MACROD2: variants seen among roughly 807,000 people sequenced by gnomAD.
The protein encoded by MACROD2 is ADP-ribose glycohydrolase MACROD2.
MACROD2 carries 36 observed loss-of-function variants against 70.4 expected under a neutral mutation model. The observed-to-expected ratio is 0.51, with a 90% CI of 0.39 to 0.68. The LOEUF (loss-of-function observed/expected upper bound fraction) is 0.68, where lower values mean the gene tolerates loss of function less well. MACROD2 is among the 30% of genes least tolerant of loss of function. The pLI is 0.00. For missense variants in MACROD2, 496 were observed against 538.4 expected, an observed-to-expected ratio of 0.92 and a Z score of 0.78; for synonymous variants, 172 against 178.8, an observed-to-expected ratio of 0.96 and a Z score of 0.30.
chr20:15,215,841 A>T (rs961015866), intron 5 of MACROD2, among the ~76,000 whole-genome samples: 1 of 152,140 alleles, frequency 6.6e-6, no homozygotes, highest in African/African-American at 2.4e-5. Context: ...AGAATGCATG[A>T]TGGAAAGGAA....
chr20:15,566,390 C>T lies in MACROD2; in HGVS notation c.645+66543C>T, dbSNP rs912195887. Among the ~76,000 whole-genome samples the T allele has an allele frequency of 5.5e-4, 83 of 151,080 alleles. 1 individual carries two copies. The highest frequency in any genetic ancestry group is 1.8e-3 in the African/African-American group (74 of 41,234). ...ATGTGCGCCTGTAATCCCAGCTACT[C>T]GGGAGGCTGAGGCATGAGAATAGCT... On this transcript the variant is annotated intron_variant, in intron 8 of 17. Transcript: ENST00000684519.
At chr20:14,808,111 TCAAGAAGAGTAA>T (rs1477901126) in intron 5 of MACROD2, among the ~76,000 whole-genome samples, 1 of 151,670 alleles carries the variant, frequency 6.6e-6, no homozygotes, top group Admixed American at 6.6e-5. Context: ...AAGATACTCC[TCAAGAAGAGTAA>T]CATAATTGTC....
intron 6 of MACROD2, among the ~76,000 whole-genome samples, chr20:15,324,102 G>A (rs1394304690): frequency 6.6e-6 from 1 of 151,580 alleles, no homozygotes; most frequent in Admixed American, 6.6e-5. Context: ...TTTAATTTTA[G>A]TTTGGTTTAA....
At chr20:15,896,048 G>C (rs1280281614) in intron 10 of MACROD2, among the ~76,000 whole-genome samples, 2 of 152,114 alleles carry the variant, frequency 1.3e-5, no homozygotes, top group African/African-American at 4.8e-5. Context: ...TTCTTTCCTA[G>C]TGGATATGCA....
At chr20:15,393,314 A>G (rs941191186) in intron 6 of MACROD2, among the ~76,000 whole-genome samples, 5 of 152,226 alleles carry the variant, frequency 3.3e-5, no homozygotes, top group African/African-American at 9.6e-5. Context: ...AGTAAACTCT[A>G]CATCTCTAAA....
chr20:14,540,606 T>C (rs929040128), intron 4 of MACROD2, among the ~76,000 whole-genome samples: 1 of 152,220 alleles, frequency 6.6e-6, no homozygotes, highest in Non-Finnish European at 1.5e-5. Context: ...CAGTCTCTGA[T>C]TGAAATGTTA....
chr20:14,645,476 T>C (rs760354703), intron 4 of MACROD2, among the ~76,000 whole-genome samples: 1 of 152,056 alleles, frequency 6.6e-6, no homozygotes, highest in Non-Finnish European at 1.5e-5. Flanking sequence ...ACTAAAGTAA[T>C]ATGTGTTTGC....
chr20:15,040,980 T>G (rs936119307), intron 5 of MACROD2, among the ~76,000 whole-genome samples: 2 of 152,232 alleles, frequency 1.3e-5, no homozygotes, highest in African/African-American at 2.4e-5. Flanking sequence ...TTTTATGTTT[T>G]CATTCTTTTG....
intron 8 of MACROD2, among the ~76,000 whole-genome samples, chr20:15,803,769 T>C (rs1211356052): frequency 3.3e-5 from 5 of 152,108 alleles, no homozygotes; most frequent in Admixed American, 1.3e-4. Flanking sequence ...GGCTTTTCCA[T>C]CCAACACACT....
chr20:15,248,740 T>G (rs943763693), intron 6 of MACROD2, among the ~76,000 whole-genome samples: 1 of 152,190 alleles, frequency 6.6e-6, no homozygotes, highest in Admixed American at 6.5e-5. Flanking sequence ...ATGAGTCTTA[T>G]GCAGTCAGAA....
At chr20:14,927,673 A>G (rs552662487) in intron 5 of MACROD2, among the ~76,000 whole-genome samples, 3 of 152,272 alleles carry the variant, frequency 2.0e-5, no homozygotes, top group African/African-American at 4.8e-5. Flanking sequence ...TAGTATAGCA[A>G]TCAAAGTAAG....
At chr20:14,881,347 A>G (rs1020202849) in intron 5 of MACROD2, among the ~76,000 whole-genome samples, 2 of 151,128 alleles carry the variant, frequency 1.3e-5, no homozygotes, top group Admixed American at 1.3e-4. Flanking sequence ...GGTCAAACCT[A>G]GAACAAGCCT....
chr20:14,821,354 C>T (rs185015876), intron 5 of MACROD2, among the ~76,000 whole-genome samples: 20 of 152,052 alleles, frequency 1.3e-4, no homozygotes, highest in Non-Finnish European at 1.9e-4. Context: ...GACCTTCCTA[C>T]GTGTCAATAA....
intron 5 of MACROD2, among the ~76,000 whole-genome samples, chr20:15,214,468 G>A (rs1479350986): frequency 4.6e-5 from 7 of 152,200 alleles, no homozygotes; most frequent in South Asian, 2.1e-4. Context: ...TGGGAGGATC[G>A]CTTGAGGCCA....
chr20:15,699,293 C>T (rs1002001410), intron 8 of MACROD2, among the ~76,000 whole-genome samples: 2 of 152,196 alleles, frequency 1.3e-5, no homozygotes, highest in African/African-American at 4.8e-5. Flanking sequence ...TACTCTCCCT[C>T]TCTTCCTGTG....
intron 4 of MACROD2, among the ~76,000 whole-genome samples, chr20:14,667,219 TATC>T (rs750651622): frequency 6.6e-6 from 1 of 152,114 alleles, no homozygotes; most frequent in Non-Finnish European, 1.5e-5. Flanking sequence ...TTGAAACTAT[TATC>T]ATGTCAGCAG....
chr20:15,894,002 C>T (rs1157351340), intron 10 of MACROD2: 9 of 446,958 alleles, frequency 2.0e-5, no homozygotes, highest in South Asian at 7.9e-5. Flanking sequence ...TCTAGGGTCT[C>T]GCTTTCCCAT....
At chr20:14,662,978 C>A (rs1463708193) in intron 4 of MACROD2, among the ~76,000 whole-genome samples, 1 of 152,142 alleles carries the variant, frequency 6.6e-6, no homozygotes, top group African/African-American at 2.4e-5. Context: ...AATCCCATTA[C>A]TGGGCATATA....
intron 10 of MACROD2, among the ~76,000 whole-genome samples, chr20:15,888,208 A>T (rs1601062969): frequency 6.6e-6 from 1 of 152,188 alleles, no homozygotes; most frequent in East Asian, 1.9e-4. Flanking sequence ...TAAAACATAG[A>T]GCTCAAGGTA....
Sources: gnomAD v4.1 joint callset for allele counts (sites outside exome capture counted in the v4.1 genomes callset) on GRCh38, gnomAD v4.1.1 for gene constraint, MANE v1.5 for transcripts, NCBI Gene and HGNC (gene_info 2026-07-23, HGNC 2026-07-21) for gene names.